ANKS1B: variants seen among roughly 807,000 people sequenced by gnomAD.
ANKS1B encodes the protein ankyrin repeat and sterile alpha motif domain containing 1B.
A neutral mutation model predicts 148.3 loss-of-function variants in ANKS1B; 36 were observed. That is an observed-to-expected ratio of 0.24 (90% CI 0.19 to 0.32). The LOEUF (loss-of-function observed/expected upper bound fraction) is 0.32. Among genes scored for constraint, ANKS1B ranks in the 10% least tolerant of loss-of-function variants. The pLI is 1.00. For synonymous variants in ANKS1B, 542 were observed against 560.8 expected (o/e 0.97, Z 0.47); for missense variants, 1,157 against 1,542.6 (o/e 0.75, Z 4.19).
chr12:98,894,968 C>G, intron 17 of ANKS1B: 3 of 829,788 alleles, frequency 3.6e-6, no homozygotes, highest in Non-Finnish European at 4.3e-6. Context: ...CGGCTCCACG[C>G]GGCGCGCGCC....
intron 17 of ANKS1B, among the ~76,000 whole-genome samples, chr12:98,916,140 T>C (rs1427044879): frequency 6.6e-6 from 1 of 152,214 alleles, no homozygotes; most frequent in East Asian, 1.9e-4. Context: ...TCTTCTATTA[T>C]TCAGGAAGTA....
intron 17 of ANKS1B, among the ~76,000 whole-genome samples, chr12:99,026,761 G>A (rs1242881692): frequency 6.6e-6 from 1 of 152,156 alleles, no homozygotes; most frequent in Non-Finnish European, 1.5e-5. Context: ...CAAGGATAGG[G>A]TGCTTTAGCA....
intron 17 of ANKS1B, among the ~76,000 whole-genome samples, chr12:99,008,210 C>T (rs2153398661): frequency 6.6e-6 from 1 of 152,158 alleles, no homozygotes; most frequent in South Asian, 2.1e-4. Context: ...ATTTTTATAC[C>T]CTATTATAAT....
intron 15 of ANKS1B, among the ~76,000 whole-genome samples, chr12:99,144,266 G>A (rs1195266794): frequency 6.6e-6 from 1 of 152,000 alleles, no homozygotes; most frequent in Non-Finnish European, 1.5e-5. Context: ...TTAGGTACTG[G>A]AAGAGGCTGC....
intron 25 of ANKS1B, among the ~76,000 whole-genome samples, chr12:98,755,917 C>T (rs1257183489): frequency 6.6e-6 from 1 of 152,164 alleles, no homozygotes; most frequent in Non-Finnish European, 1.5e-5. Flanking sequence ...TGAATCTGGA[C>T]TGGTTTTACT....
At chr12:99,373,350 GA>G (rs1345785314) in intron 12 of ANKS1B, among the ~76,000 whole-genome samples, 1 of 152,116 alleles carries the variant, frequency 6.6e-6, no homozygotes, top group East Asian at 1.9e-4. Flanking sequence ...AGGAAAAAAG[GA>G]AAGACAGTGT....
At chr12:99,421,853 G>A (rs2095094624) in intron 11 of ANKS1B, among the ~76,000 whole-genome samples, 1 of 152,150 alleles carries the variant, frequency 6.6e-6, no homozygotes, top group South Asian at 2.1e-4. Context: ...AATCCTTCAT[G>A]TCTTGGTGCT....
chr12:99,187,329 T>C (rs2080001483), intron 14 of ANKS1B, among the ~76,000 whole-genome samples: 1 of 151,858 alleles, frequency 6.6e-6, no homozygotes. Context: ...ATTCAGGAAA[T>C]ACTGAGAACA....
chr12:99,264,930 C>T (rs2076291144), intron 12 of ANKS1B, among the ~76,000 whole-genome samples: 1 of 152,090 alleles, frequency 6.6e-6, no homozygotes, highest in Non-Finnish European at 1.5e-5. Context: ...ATGTTCACCG[C>T]AGTTTTACTT....
chr12:99,022,702 TAG>T (rs751123464), intron 17 of ANKS1B, among the ~76,000 whole-genome samples: 55 of 151,980 alleles, frequency 3.6e-4, no homozygotes, highest in Non-Finnish European at 6.8e-4. Context: ...TTCTTTTTTT[TAG>T]AGTCAGGGGT....
At chr12:99,639,150 G>A (rs909000692) in intron 9 of ANKS1B, among the ~76,000 whole-genome samples, 1 of 152,160 alleles carries the variant, frequency 6.6e-6, no homozygotes, top group Non-Finnish European at 1.5e-5. Flanking sequence ...CCCCACTGGG[G>A]GACTACCTAG....
intron 9 of ANKS1B, among the ~76,000 whole-genome samples, chr12:99,596,150 A>G (rs977845216): frequency 2.0e-5 from 3 of 151,892 alleles, no homozygotes; most frequent in African/African-American, 7.2e-5. Context: ...AAACTACCAT[A>G]AATTGAGTGG....
At chr12:99,516,597 G>A (rs970983897) in intron 9 of ANKS1B, among the ~76,000 whole-genome samples, 2 of 152,174 alleles carry the variant, frequency 1.3e-5, no homozygotes, top group Admixed American at 1.3e-4. Context: ...CAGGGAGGCA[G>A]GGGGAGGGAA....
chr12:99,437,602 C>G (rs1460649586), intron 11 of ANKS1B, among the ~76,000 whole-genome samples: 1 of 151,850 alleles, frequency 6.6e-6, no homozygotes, highest in Admixed American at 6.6e-5. Context: ...ACCCATCTAG[C>G]TAAAACCACC....
intron 20 of ANKS1B, among the ~76,000 whole-genome samples, chr12:98,805,120 T>G (rs1468451329): frequency 6.6e-6 from 1 of 152,134 alleles, no homozygotes; most frequent in African/African-American, 2.4e-5. Context: ...AAATGAGAAA[T>G]CAAAATGATT....
chr12:99,583,850 A>T (rs984538268), intron 9 of ANKS1B, among the ~76,000 whole-genome samples: 25 of 152,232 alleles, frequency 1.6e-4, no homozygotes, highest in African/African-American at 6.0e-4. Context: ...ACACAGGTAC[A>T]TAGATTCGCA....
intron 8 of ANKS1B, among the ~76,000 whole-genome samples, chr12:99,719,415 C>T (rs1434263527): frequency 6.6e-6 from 1 of 152,102 alleles, no homozygotes; most frequent in Admixed American, 6.5e-5. Context: ...TCTGATCCAC[C>T]TGACATTCAC....
At chr12:98,886,349 A>G (rs1213240038) in intron 17 of ANKS1B, among the ~76,000 whole-genome samples, 3 of 152,220 alleles carry the variant, frequency 2.0e-5, no homozygotes, top group Non-Finnish European at 4.4e-5. Flanking sequence ...TGAATTACTG[A>G]CACAGAAGAA....
At chr12:99,894,141 G>T (rs78208733) in intron 1 of ANKS1B, among the ~76,000 whole-genome samples, 1 of 151,286 alleles carries the variant, frequency 6.6e-6, no homozygotes, top group South Asian at 2.1e-4. Flanking sequence ...ACAAATGGAC[G>T]AGCGCAGTGA....
Sources: allele counts gnomAD v4.1 joint callset (sites outside exome capture counted in the v4.1 genomes callset), GRCh38; gene constraint gnomAD v4.1.1; transcripts MANE v1.5; gene names NCBI Gene and HGNC (gene_info 2026-07-23, HGNC 2026-07-21).